The following NDUFAF2 variants were observed in gnomAD, a reference collection of about 807,000 sequenced individuals.
The protein encoded by NDUFAF2 is NADH:ubiquinone oxidoreductase complex assembly factor 2.
NDUFAF2 carries 13 observed loss-of-function variants against 22.8 expected under a neutral mutation model. That is an observed-to-expected ratio of 0.57 (90% CI 0.37 to 0.91). NDUFAF2 has a LOEUF of 0.91. Ranked by LOEUF, NDUFAF2 falls within the 40% of genes least tolerant of loss-of-function variation. The probability of loss-of-function intolerance (pLI) is 0.01; values close to 1 mark genes in which losing one functional copy is unlikely to be tolerated. For synonymous variants in NDUFAF2, 53 were observed against 64.2 expected, an observed-to-expected ratio of 0.83 and a Z score of 0.84; for missense variants, 162 against 195.2, an observed-to-expected ratio of 0.83 and a Z score of 1.01.
intron 1 of NDUFAF2, among the ~76,000 whole-genome samples, chr5:60,986,800 C>T (rs990618837): frequency 4.0e-5 from 6 of 151,690 alleles, no homozygotes; most frequent in Admixed American, 6.6e-5. Context: ...GGCGTGGTGG[C>T]GGGTGCCTGC....
intron 3 of NDUFAF2, among the ~76,000 whole-genome samples, chr5:61,151,243 CAGAA>C (rs1236260420): frequency 6.6e-6 from 1 of 152,026 alleles, no homozygotes; most frequent in African/African-American, 2.4e-5. Context: ...ACTTGAGAAA[CAGAA>C]AGGTGATATC....
intron 1 of NDUFAF2, among the ~76,000 whole-genome samples, chr5:60,989,184 A>G (rs1751123094): frequency 6.6e-6 from 1 of 152,226 alleles, no homozygotes; most frequent in African/African-American, 2.4e-5. Flanking sequence ...TAATAATTAG[A>G]GAAATGCAAA....
At chr5:60,981,346 T>C (rs1263356703) in intron 1 of NDUFAF2, among the ~76,000 whole-genome samples, 1 of 152,188 alleles carries the variant, frequency 6.6e-6, no homozygotes, top group East Asian at 1.9e-4. Context: ...AAAAATGTCC[T>C]TCAAACATAA....
intron 1 of NDUFAF2, among the ~76,000 whole-genome samples, chr5:60,959,586 T>C (rs1750658610): frequency 6.6e-6 from 1 of 152,074 alleles, no homozygotes; most frequent in Non-Finnish European, 1.5e-5. Context: ...GGTCACATGA[T>C]GTAATCATCA....
intron 1 of NDUFAF2, among the ~76,000 whole-genome samples, chr5:60,988,792 G>T (rs116831741): frequency 6.6e-6 from 1 of 151,796 alleles, no homozygotes; most frequent in African/African-American, 2.4e-5. Flanking sequence ...AGAATATAAC[G>T]CTGTAAATGC....
intron 3 of NDUFAF2, among the ~76,000 whole-genome samples, chr5:61,148,144 C>T (rs984329596): frequency 3.3e-5 from 5 of 152,192 alleles, no homozygotes; most frequent in African/African-American, 1.2e-4. Flanking sequence ...CTCAGGCTCC[C>T]TAAACAACCA....
intron 1 of NDUFAF2, among the ~76,000 whole-genome samples, chr5:60,949,825 A>G (rs1372195646): frequency 2.0e-5 from 3 of 152,150 alleles, no homozygotes; most frequent in East Asian, 3.9e-4. Context: ...ATTATAAAGT[A>G]TATTATATTG....
chr5:60,996,166 G>A (rs1751226427), intron 1 of NDUFAF2, among the ~76,000 whole-genome samples: 1 of 152,074 alleles, frequency 6.6e-6, no homozygotes, highest in Non-Finnish European at 1.5e-5. Flanking sequence ...TCTGAAACCA[G>A]CAAGTCTCCA....
At chr5:61,095,492 T>C (rs997404742) in intron 2 of NDUFAF2, among the ~76,000 whole-genome samples, 2 of 152,208 alleles carry the variant, frequency 1.3e-5, no homozygotes, top group African/African-American at 4.8e-5. Context: ...GGACCATCAC[T>C]GCTTAGCCCC....
At chr5:61,076,831 A>G (rs954913334) in intron 2 of NDUFAF2, among the ~76,000 whole-genome samples, 1 of 152,224 alleles carries the variant, frequency 6.6e-6, no homozygotes, top group Admixed American at 6.5e-5. Flanking sequence ...CTTGGGCCAG[A>G]GTAACAGTGG....
chr5:61,015,585 T>G (rs1198116276), intron 1 of NDUFAF2, among the ~76,000 whole-genome samples: 1 of 152,020 alleles, frequency 6.6e-6, no homozygotes, highest in East Asian at 1.9e-4. Flanking sequence ...CCTGGCCCAA[T>G]TTCTTATATT....
In NDUFAF2 at chr5:61,053,237, A is replaced by G. The variant is rs547151706; in HGVS notation, c.128-19888A>G. ...CATTCACCCAGCACTGTTGCATAAG[A>G]AACAAATACACTTCTAATTATTTAA... On this transcript the variant is annotated intron_variant, in intron 1 of 3. Transcript: ENST00000296597. Among the ~76,000 whole-genome samples the G allele has an allele frequency of 6.6e-5, 10 of 152,396 alleles. No individual in the cohort carries two copies. The South Asian group carries it at 2.1e-3, about 32-fold the overall frequency.
At chr5:61,078,234 T>C (rs991112739) in intron 2 of NDUFAF2, among the ~76,000 whole-genome samples, 11 of 150,034 alleles carry the variant, frequency 7.3e-5, no homozygotes, top group South Asian at 2.1e-4. Context: ...GATCCTTACC[T>C]TATTCATTTT....
intron 1 of NDUFAF2, 51 bp from the exon 2 acceptor site, chr5:61,073,074 T>G: frequency 9.2e-7 from 1 of 1,090,804 alleles, no homozygotes; most frequent in Non-Finnish European, 1.4e-6. Context: ...ATTGTAGAAC[T>G]ACTGTATCAT....
At chr5:61,081,816 G>C (rs1026365273) in intron 2 of NDUFAF2, among the ~76,000 whole-genome samples, 1 of 152,170 alleles carries the variant, frequency 6.6e-6, no homozygotes, top group African/African-American at 2.4e-5. Context: ...TCTTCCTGTT[G>C]TGATAAAAAT....
chr5:60,963,748 A>G (rs1003826268), intron 1 of NDUFAF2, among the ~76,000 whole-genome samples: 1 of 152,240 alleles, frequency 6.6e-6, no homozygotes, highest in Non-Finnish European at 1.5e-5. Context: ...CATAGTTGTT[A>G]CAGTGTGGTA....
At chr5:61,060,716 T>TA (rs1752153584) in intron 1 of NDUFAF2, among the ~76,000 whole-genome samples, 1 of 152,120 alleles carries the variant, frequency 6.6e-6, no homozygotes, top group African/African-American at 2.4e-5. Flanking sequence ...AAATTCCACT[T>TA]ATCTCTCCTC....
intron 1 of NDUFAF2, among the ~76,000 whole-genome samples, chr5:61,005,685 C>T (rs1294807666): frequency 2.0e-5 from 3 of 152,130 alleles, no homozygotes; most frequent in Non-Finnish European, 4.4e-5. Context: ...TGTCTGATGG[C>T]CCTCAATGAT....
At chr5:61,043,622 A>G (rs937991953) in intron 1 of NDUFAF2, among the ~76,000 whole-genome samples, 2 of 152,050 alleles carry the variant, frequency 1.3e-5, no homozygotes, top group Non-Finnish European at 2.9e-5. Context: ...AATGTCTTCA[A>G]GTTTCATCCA....
Sources: gnomAD v4.1 joint callset for allele counts (sites outside exome capture counted in the v4.1 genomes callset) on GRCh38, gnomAD v4.1.1 for gene constraint, MANE v1.5 for transcripts, NCBI Gene and HGNC (gene_info 2026-07-23, HGNC 2026-07-21) for gene names.